Variants in CEBPE observed in about 807,000 individuals in gnomAD.
CEBPE encodes the protein CCAAT enhancer binding protein epsilon.
Under a neutral mutation model 20.4 loss-of-function variants are expected in CEBPE, and 10 were observed. The ratio of observed to expected loss-of-function variants is 0.49; its 90% CI spans 0.30 to 0.83. CEBPE has a LOEUF of 0.83. CEBPE is among the 40% of genes least tolerant of loss of function. The pLI, the probability that CEBPE is intolerant of heterozygous loss-of-function variation, is 0.06. For missense variants in CEBPE, 389 were observed against 383.3 expected, an observed-to-expected ratio of 1.01 and a Z score of -0.12; for synonymous variants, 179 against 162.6, an observed-to-expected ratio of 1.10 and a Z score of -0.77.
At position 23,118,365 on chromosome 14, in the gene CEBPE, C is replaced by T. The variant is rs983374839; in HGVS notation, c.510+217G>A. The stretch of plus-strand genomic sequence containing the variant: ...GCCTGAGATCAAGTAGGTCAGCTTG[C>T]CACAGGGGCTTTGGGTGGGGATTCA... On this transcript the variant is annotated intron_variant, in intron 1 of 1. Coordinates refer to ENST00000206513, the MANE Select transcript of CEBPE (RefSeq NM_001805.4). This position sits in a 1 kb window ranked among gnomAD's most constrained non-coding sequence, Gnocchi z 5.5. 6.6e-6 allele frequency among the ~76,000 whole-genome samples: 1 copy of T among 152,000 alleles called. No homozygotes were observed. The highest frequency in any genetic ancestry group is 2.4e-5 in the African/African-American group (1 of 41,378).
In CEBPE at chr14:23,118,590, C is replaced by T. The variant is rs371549805; in HGVS notation, c.502G>A (p.Val168Ile). 153 of 1,608,086 alleles carry T rather than the reference C, an allele frequency of 9.5e-5. No individual in the cohort carries two copies. The highest frequency in any genetic ancestry group is 3.5e-4 in the Admixed American group (21 of 59,850). Residue 168 changes from valine to isoleucine, a missense_variant, in exon 1 of 2, where the codon GTT becomes ATT. By Grantham distance (29) the Val-to-Ile change is conservative. Coordinates refer to ENST00000206513, the MANE Select transcript of CEBPE (RefSeq NM_001805.4). This position sits in a 1 kb window ranked among gnomAD's most constrained non-coding sequence, Gnocchi z 5.5. ...GGCTGGCCTGCTCTTACCTTGAGAA[C>T]GCGCAGAGGCTGGCCGGGTGCTGCC... ...TLAAPGQPLR[V>I]LKAPLATAAP...
Position 23,117,637 on chromosome 14 carries a change from C to T in CEBPE, c.696G>A (p.Thr232=), listed in dbSNP as rs750122474. 1.1e-5 allele frequency: 18 copies of T among 1,614,202 alleles called. No individual in the cohort carries two copies. The highest frequency in any genetic ancestry group is 4.4e-5 in the South Asian group (4 of 91,084). ...RDKAKRRILE[T]QQKVLEYMAE... ...CCATGTACTCCAGCACCTTCTGCTG[C>T]GTCTCCAGAATGCGCCTCTTGGCCT... Residue 232 remains threonine, a synonymous_variant, in exon 2 of 2, where the codon ACG becomes ACA. Transcript: ENST00000206513.
chr14:23,117,898 G>A (rs529712973), intron 1 of CEBPE, 76 bp from the exon 2 acceptor site: 3 of 1,138,824 alleles, frequency 2.6e-6, no homozygotes, highest in East Asian at 4.8e-5. Context: ...CGGGAATCTC[G>A]GCAGCCAGGG....
chr14:23,117,797 G>T lies in CEBPE; in HGVS notation c.536C>A (p.Pro179His), dbSNP rs778374638. 2 of 1,608,394 alleles carry T rather than the reference G, an allele frequency of 1.2e-6. No homozygotes were observed. Among genetic ancestry groups the T allele is most frequent in the Non-Finnish European group, 1.7e-6 (2 of 1,177,888 alleles). ...GGGCGCCTTCAGGAGGGGACTGCAGGGGGGTGCGGCAGTGGCCAAAGGGGC... is the reference window on the plus strand; with the variant it reads ...GGGCGCCTTCAGGAGGGGACTGCAGTGGGGTGCGGCAGTGGCCAAAGGGGC... The part of the protein sequence containing the change: ...LKAPLATAAP[P>H]CSPLLKAPSP... Residue 179 changes from proline to histidine, a missense_variant, in exon 2 of 2, where the codon CCC (proline) becomes CAC (histidine). Physicochemically the swap from Pro to His is moderately conservative, Grantham distance 77 (BLOSUM62 -2). This residue lies in a region of CEBPE where 294 missense variants were observed against 279.7 expected (regional missense o/e 1.05). Coordinates refer to ENST00000206513, the MANE Select transcript of CEBPE (RefSeq NM_001805.4).
rs766386811 is a variant in CEBPE, at chr14:23,118,800, C to G, written c.292G>C (p.Asp98His). 1.1e-5 allele frequency: 18 copies of G among 1,612,996 alleles called. No individual in the cohort carries two copies. The South Asian group carries it at 1.9e-4, about 17-fold the overall frequency. Reference protein sequence around the residue: ...FAYPPHTFGPDRKALGPGIYS... With the variant: ...FAYPPHTFGPHRKALGPGIYS... ...ATGCCAGGCCCCAGCGCCTTCCTGT[C>G]TGGGCCGAAGGTATGTGGAGGGTAG... The change falls in exon 1 of 2, where the codon GAC becomes CAC. Residue 98 changes from aspartate to histidine, a missense_variant. This residue lies in a region of CEBPE where 294 missense variants were observed against 279.7 expected (regional missense o/e 1.05). Coordinates refer to ENST00000206513, the MANE Select transcript of CEBPE (RefSeq NM_001805.4). This position sits in a 1 kb window ranked among gnomAD's most constrained non-coding sequence, Gnocchi z 5.5.
intron 1 of CEBPE, 118 bp from the exon 2 acceptor site, chr14:23,117,940 C>T (rs1022553425): frequency 1.4e-6 from 1 of 718,514 alleles, no homozygotes; most frequent in Non-Finnish European, 2.3e-6. Context: ...ATACAGGACT[C>T]AGAGCCAGCT....
Position 23,117,392 on chromosome 14 carries a change from G to A in CEBPE, c.*95C>T. The A allele has an allele frequency of 7.5e-7, 1 of 1,330,318 alleles. No individual in the cohort carries two copies. The highest frequency in any genetic ancestry group is 1.3e-5 in the South Asian group (1 of 79,926). 82.4% of individuals were successfully genotyped at this position (1,330,318 alleles called of 1,614,324 possible). ...CCACCCCGGTTGCCATTTATCCATG[G>A]TCTATGTCTCAGGGTTCTAGGCCCC... is the stretch of plus-strand genomic sequence containing the variant. On this transcript the variant is annotated 3_prime_UTR_variant, in exon 2 of 2. Coordinates refer to ENST00000206513, the MANE Select transcript of CEBPE (RefSeq NM_001805.4).
chr14:23,117,497 C>T lies in CEBPE; in HGVS notation c.836G>A (p.Gly279Asp), dbSNP rs968427857. 5 of 1,611,942 alleles carry T rather than the reference C, an allele frequency of 3.1e-6. No homozygotes were observed. The highest frequency in any genetic ancestry group is 1.3e-5 in the African/African-American group (1 of 74,978). ...EAANLIKGVG[G>D]CS ...ATCCACCAGCCAGCCTCAGCTGCAACCCCCCACGCCCTTGATGAGGTTGGC... is the reference window on the plus strand; with the variant it reads ...ATCCACCAGCCAGCCTCAGCTGCAATCCCCCACGCCCTTGATGAGGTTGGC... Residue 279 changes from glycine (G) to aspartate (D), a missense_variant, in exon 2 of 2, where the codon GGT becomes GAT. Gly to Asp is a moderately conservative substitution (Grantham distance 94). Coordinates refer to ENST00000206513, the MANE Select transcript of CEBPE (RefSeq NM_001805.4).
rs1387063844 is a variant in CEBPE at position 23,117,454 on chromosome 14, G to A, written c.*33C>T. Reference sequence around the variant, plus strand: ...GGGTCCGCAGAGTTAGGCCGTGCCAGGGAGCCTGGTGCCCACAATCCACCA... The same window carrying A: ...GGGTCCGCAGAGTTAGGCCGTGCCAAGGAGCCTGGTGCCCACAATCCACCA... On this transcript the variant is annotated 3_prime_UTR_variant, in exon 2 of 2. Transcript: ENST00000206513. 6.3e-7 allele frequency: 1 copy of A among 1,588,780 alleles called. No individual in the cohort carries two copies. The highest frequency in any genetic ancestry group is 8.6e-7 in the Non-Finnish European group (1 of 1,168,974).
rs1294789692 is a variant in CEBPE, at chr14:23,119,201, G to C, written c.-110C>G. The C allele has an allele frequency of 5.4e-5, 40 of 741,144 alleles. No individual in the cohort carries two copies. The highest frequency in any genetic ancestry group is 7.7e-5 in the Non-Finnish European group (34 of 444,348). 45.9% of individuals were successfully genotyped at this position (741,144 alleles called of 1,614,324 possible). On this transcript the variant is annotated 5_prime_UTR_variant, in exon 1 of 2. In the 5' UTR this introduces an upstream ATG that the reference lacks. Coordinates refer to ENST00000206513, the MANE Select transcript of CEBPE (RefSeq NM_001805.4). ...TCCTGACCTGGGCCTGCCCTCTCTC[G>C]ATCTTCTGCCCTAGACCTGCCCTCT...
At position 23,119,025 on chromosome 14, in the gene CEBPE, C is replaced by T; in HGVS notation, c.67G>A (p.Gly23Ser). 2 of 1,613,230 alleles carry T rather than the reference C, an allele frequency of 1.2e-6. No individual in the cohort carries two copies. Among genetic ancestry groups the T allele is most frequent in the Non-Finnish European group, 1.7e-6 (2 of 1,179,918 alleles). The stretch of plus-strand genomic sequence containing the variant: ...CCTAGCTCCCCGGGCCCAGCTCGGC[C>T]CCCTGAGAACTCGAGTGGCTGCTGG... Reference protein sequence around the residue: ...GGQQPLEFSGGRAGPGELGDM... With the variant: ...GGQQPLEFSGSRAGPGELGDM... Residue 23 changes from glycine to serine, a missense_variant, in exon 1 of 2, where the codon GGC becomes AGC. Gly to Ser is a moderately conservative substitution (Grantham distance 56). Around this residue, in one of 3 missense-constraint regions of CEBPE, gnomAD observed 294 missense variants for 279.7 expected, o/e 1.05. Coordinates refer to ENST00000206513, the MANE Select transcript of CEBPE (RefSeq NM_001805.4).
At position 23,118,256 on chromosome 14, in the gene CEBPE, A is replaced by G. The variant is rs1347511433; in HGVS notation, c.510+326T>C. Reference sequence around the variant, plus strand: ...TCTGCCTTGAGTCTCCCGTTCTATGACCAGTAGACATTTCTCACAGAAGCA... The same window carrying G: ...TCTGCCTTGAGTCTCCCGTTCTATGGCCAGTAGACATTTCTCACAGAAGCA... On this transcript the variant is annotated intron_variant, in intron 1 of 1. Transcript: ENST00000206513. The surrounding 1 kb of genome is among the most constrained non-coding windows in gnomAD (Gnocchi z 5.5). Among the ~76,000 whole-genome samples, 2 of 151,910 alleles carry G rather than the reference A, an allele frequency of 1.3e-5. No individual in the cohort carries two copies. The highest frequency in any genetic ancestry group is 2.4e-5 in the African/African-American group (1 of 41,330).
chr14:23,118,948 A>G lies in CEBPE; in HGVS notation c.144T>C (p.Ser48=). ...ASIDLSAYIE[S]GEEQLLSDLF... Reference sequence around the variant, plus strand: ...GATCGGAGAGAAGCTGCTCTTCCCCAGACTCGATGTAGGCGGAGAGGTCAA... The same window carrying G: ...GATCGGAGAGAAGCTGCTCTTCCCCGGACTCGATGTAGGCGGAGAGGTCAA... Residue 48 remains serine, a synonymous_variant, in exon 1 of 2, where the codon TCT becomes TCC. Coordinates refer to ENST00000206513, the MANE Select transcript of CEBPE (RefSeq NM_001805.4). The surrounding 1 kb of genome is among the most constrained non-coding windows in gnomAD (Gnocchi z 5.5). 1 of 1,613,884 alleles carries G rather than the reference A, an allele frequency of 6.2e-7. No individual in the cohort carries two copies. The highest frequency in any genetic ancestry group is 8.5e-7 in the Non-Finnish European group (1 of 1,179,940).
chr14:23,117,374 G>A lies in CEBPE; in HGVS notation c.*113C>T. ...TGGGTCCTGCCCTCTTTGCCACCCC[G>A]GTTGCCATTTATCCATGGTCTATGT... On this transcript the variant is annotated 3_prime_UTR_variant, in exon 2 of 2. Transcript: ENST00000206513. The A allele has an allele frequency of 8.9e-6, 10 of 1,121,752 alleles. No individual in the cohort carries two copies. The highest frequency in any genetic ancestry group is 5.3e-5 in the South Asian group (4 of 74,796). The allele number at this position is 1,121,752 out of a possible 1,614,324, so 69.5% of individuals were successfully genotyped here.
rs1490242715 is a variant in CEBPE, at chr14:23,117,463, G to A, written c.*24C>T. The A allele has an allele frequency of 6.3e-7, 1 of 1,598,446 alleles. No homozygotes were observed. ...GAGTTAGGCCGTGCCAGGGAGCCTG[G>A]TGCCCACAATCCACCAGCCAGCCTC... On this transcript the variant is annotated 3_prime_UTR_variant, in exon 2 of 2. Coordinates refer to ENST00000206513, the MANE Select transcript of CEBPE (RefSeq NM_001805.4).
chr14:23,117,882 G>A, intron 1 of CEBPE, 60 bp from the exon 2 acceptor site: 1 of 1,405,958 alleles, frequency 7.1e-7, no homozygotes, highest in Non-Finnish European at 9.7e-7. Context: ...CAGAGCGGAG[G>A]CGGGGCGGGA....
chr14:23,118,739 A>G lies in CEBPE; in HGVS notation c.353T>C (p.Val118Ala). The G allele has an allele frequency of 1.9e-6, 3 of 1,612,924 alleles. No individual in the cohort carries two copies. The highest frequency in any genetic ancestry group is 1.1e-5 in the South Asian group (1 of 90,998). Residue 118 changes from valine to alanine, a missense_variant, in exon 1 of 2, where the codon GTG becomes GCG. By Grantham distance (64) the Val-to-Ala change is moderately conservative. This residue lies in a region of CEBPE where 294 missense variants were observed against 279.7 expected (regional missense o/e 1.05). Coordinates refer to ENST00000206513, the MANE Select transcript of CEBPE (RefSeq NM_001805.4). This position sits in a 1 kb window ranked among gnomAD's most constrained non-coding sequence, Gnocchi z 5.5. ...CCCCCGGGGCTCCTCCTTCACCGCC[A>G]CAGCCCTGGGGTCGTAGCTCCCTGG... Reference protein sequence around the residue: ...SSPGSYDPRAVAVKEEPRGPE... With the variant: ...SSPGSYDPRAAAVKEEPRGPE...
In CEBPE at chr14:23,117,553, G is replaced by A; in HGVS notation, c.780C>T (p.Leu260=). 1 of 1,614,076 alleles carries A rather than the reference G, an allele frequency of 6.2e-7. No individual in the cohort carries two copies. The highest frequency in any genetic ancestry group is 8.5e-7 in the Non-Finnish European group (1 of 1,180,038). ...VEQLTQELDT[L]RNLFRQIPEA... is the part of the protein sequence containing the mutation. The stretch of plus-strand genomic sequence containing the variant: ...CAGGAATCTGGCGGAAGAGGTTGCG[G>A]AGGGTGTCTAGCTCCTGGGTGAGCT... The change falls in exon 2 of 2, where the codon CTC becomes CTT. Residue 260 remains leucine (L), a synonymous_variant. Transcript: ENST00000206513.
chr14:23,118,510 G>T lies in CEBPE; in HGVS notation c.510+72C>A, dbSNP rs45577839. 1.3e-6 allele frequency: 2 copies of T among 1,510,676 alleles called. No individual in the cohort carries two copies. The highest frequency in any genetic ancestry group is 1.4e-5 in the African/African-American group (1 of 72,890). 93.6% of individuals were successfully genotyped at this position (1,510,676 alleles called of 1,614,324 possible). On this transcript the variant is annotated intron_variant, in intron 1 of 1. Coordinates refer to ENST00000206513, the MANE Select transcript of CEBPE (RefSeq NM_001805.4). The surrounding 1 kb of genome is among the most constrained non-coding windows in gnomAD (Gnocchi z 5.5). ...AAGCACAGGCTCAGCAGCATGAGCC[G>T]GGGCACAGGGTCCTGTCCACACCAG...
Sources: allele counts gnomAD v4.1 joint callset (sites outside exome capture counted in the v4.1 genomes callset), GRCh38; gene constraint gnomAD v4.1.1; regional missense constraint gnomAD v4.1.1; non-coding constraint Gnocchi (gnomAD v3.1); transcripts MANE v1.5; gene names NCBI Gene and HGNC (gene_info 2026-07-23, HGNC 2026-07-21).